ATF7IP2: variants seen among roughly 807,000 people sequenced by gnomAD.
The protein encoded by ATF7IP2 is activating transcription factor 7-interacting protein 2.
ATF7IP2 carries 42 observed loss-of-function variants against 64.2 expected under a neutral mutation model. The observed-to-expected ratio is 0.65, with a 90% CI of 0.51 to 0.85. ATF7IP2 has a LOEUF of 0.85. ATF7IP2 is among the 40% of genes least tolerant of loss of function. The pLI, the probability that ATF7IP2 is intolerant of heterozygous loss-of-function variation, is 0.00. For synonymous variants in ATF7IP2, 308 were observed against 272.8 expected (o/e 1.13, Z -1.27); for missense variants, 933 against 784.2 (o/e 1.19, Z -2.27).
intron 8 of ATF7IP2, among the ~76,000 whole-genome samples, chr16:10,457,073 G>C (rs182652387): frequency 6.6e-6 from 1 of 152,238 alleles, no homozygotes; most frequent in African/African-American, 2.4e-5. Flanking sequence ...GTGTTTATTA[G>C]TTCCTAAAAG....
chr16:10,482,043 C>G lies in ATF7IP2; in HGVS notation c.1843C>G (p.Leu615Val), dbSNP rs1430262938. The change falls in exon 14 of 14, where the codon CTG (leucine) becomes GTG (valine). Residue 615 changes from leucine to valine, a missense_variant. Physicochemically the swap from Leu to Val is conservative, Grantham distance 32 (BLOSUM62 1). Coordinates refer to ENST00000562102, the MANE Select transcript of ATF7IP2 (RefSeq NM_001393719.1). ...CAPVESYHLF[L>V]CHENSNNKLI... ...TCCTGTAGAAAGCTACCACCTCTTC[C>G]TGTGTCATGAGAACTCTAATAATAA... The G allele has an allele frequency of 1.2e-6, 2 of 1,613,784 alleles. No individual in the cohort carries two copies. The highest frequency in any genetic ancestry group is 1.7e-6 in the Non-Finnish European group (2 of 1,179,842).
chr16:10,386,241 G>T (rs1457601461), intron 1 of ATF7IP2, 119 bp downstream of exon 1: 1 of 152,248 alleles, frequency 6.6e-6, no homozygotes, highest in East Asian at 1.9e-4. Flanking sequence ...CGGGCCTACC[G>T]GACGTTTGCG....
intron 3 of ATF7IP2, 139 bp from the exon 4 acceptor site, chr16:10,428,729 A>G (rs184632072): frequency 3.9e-5 from 6 of 152,322 alleles, no homozygotes; most frequent in Admixed American, 3.3e-4. Flanking sequence ...AAAATTCCCA[A>G]TTATCTGATG....
chr16:10,433,134 T>C (rs570288272), intron 5 of ATF7IP2, among the ~76,000 whole-genome samples: 4 of 152,266 alleles, frequency 2.6e-5, no homozygotes, highest in South Asian at 4.1e-4. Context: ...ATTTTAGTTT[T>C]TCCATTTGCT....
chr16:10,438,038 GA>G (rs2048480336), intron 6 of ATF7IP2, 62 bp from the exon 7 acceptor site: 3 of 1,321,886 alleles, frequency 2.3e-6, no homozygotes, highest in Non-Finnish European at 3.0e-6. Flanking sequence ...TTTTTAAGTA[GA>G]AAGTAAAATT....
Position 10,480,935 on chromosome 16 carries a change from A to C in ATF7IP2, c.1606A>C (p.Thr536Pro). 1.2e-6 allele frequency: 2 copies of C among 1,612,748 alleles called. 1 individual carries two copies. The highest frequency in any genetic ancestry group is 2.2e-5 in the South Asian group (2 of 91,048). ...HSKAASNSKE[T>P]TPLAQNAVQV... The stretch of plus-strand genomic sequence containing the variant: ...GAAAGCTGCTTCAAACTCAAAGGAA[A>C]CAACCCCATTGGCACAAAATGCAGT... Residue 536 changes from threonine (T) to proline (P), a missense_variant, in exon 13 of 14, where the codon ACA becomes CCA. By Grantham distance (38) the Thr-to-Pro change is conservative. Coordinates refer to ENST00000562102, the MANE Select transcript of ATF7IP2 (RefSeq NM_001393719.1).
chr16:10,443,586 T>C (rs2048703061), intron 8 of ATF7IP2, among the ~76,000 whole-genome samples: 2 of 152,248 alleles, frequency 1.3e-5, no homozygotes, highest in South Asian at 4.1e-4. Flanking sequence ...TCTCAATTGC[T>C]AAAGTCTGTT....
chr16:10,461,204 G>A (rs1454251713), intron 9 of ATF7IP2, among the ~76,000 whole-genome samples: 4 of 152,108 alleles, frequency 2.6e-5, no homozygotes. Flanking sequence ...GGGTATTGGT[G>A]AAGTTTTGAA....
At chr16:10,455,914 C>G (rs1210757503) in intron 8 of ATF7IP2, among the ~76,000 whole-genome samples, 1 of 152,092 alleles carries the variant, frequency 6.6e-6, no homozygotes, top group Non-Finnish European at 1.5e-5. Context: ...GCATTGTATC[C>G]TACATTATAT....
In ATF7IP2 at chr16:10,482,238, A is replaced by C. The variant is rs774717807; in HGVS notation, c.2038A>C (p.Asn680His). The C allele has an allele frequency of 6.3e-7, 1 of 1,579,392 alleles. No homozygotes were observed. Among genetic ancestry groups the C allele is most frequent in the South Asian group, 1.2e-5 (1 of 85,392 alleles). The change falls in exon 14 of 14, where the codon AAT (asparagine) becomes CAT (histidine). Residue 680 changes from asparagine to histidine, a missense_variant. Coordinates refer to ENST00000562102, the MANE Select transcript of ATF7IP2 (RefSeq NM_001393719.1). ...AAAATCTATCCCTGGGTTTTCTGAA[A>C]ATCTTACGTAAAAGGTGTTTAATAA... ...DIKSIPGFSE[N>H]LT
chr16:10,419,867 A>G (rs1249984694), intron 3 of ATF7IP2, among the ~76,000 whole-genome samples: 1 of 152,106 alleles, frequency 6.6e-6, no homozygotes, highest in Non-Finnish European at 1.5e-5. Flanking sequence ...AATTTTTGTT[A>G]TTGCATCTCT....
chr16:10,413,346 T>G (rs575145876), intron 1 of ATF7IP2, among the ~76,000 whole-genome samples: 1 of 152,266 alleles, frequency 6.6e-6, no homozygotes, highest in Non-Finnish European at 1.5e-5. Context: ...TATCAGGGGT[T>G]TCCGCTTTTG....
chr16:10,463,951 C>T (rs759757052), intron 9 of ATF7IP2, among the ~76,000 whole-genome samples: 2 of 152,214 alleles, frequency 1.3e-5, no homozygotes, highest in Non-Finnish European at 2.9e-5. Flanking sequence ...GTTCTTGGCT[C>T]CTCAATACCA....
chr16:10,449,775 T>G (rs569329128), intron 8 of ATF7IP2: 3 of 152,282 alleles, frequency 2.0e-5, no homozygotes, highest in Non-Finnish European at 2.9e-5. Context: ...TCATTGATTT[T>G]TTTGTTTGTT....
At position 10,440,357 on chromosome 16, in the gene ATF7IP2, C is replaced by A; in HGVS notation, c.1096-7C>A. On this transcript the variant is annotated splice_region_variant and splice_polypyrimidine_tract_variant and intron_variant, in intron 7 of 13. Transcript: ENST00000562102. ...TTAGTATTTATTTTTTTCTCTTTTT[C>A]TTCTAGGCAAAAATAGCAAAACTTC... 1.4e-6 allele frequency: 2 copies of A among 1,444,916 alleles called. No homozygotes were observed. The highest frequency in any genetic ancestry group is 1.9e-6 in the Non-Finnish European group (2 of 1,062,900). 89.5% of individuals were successfully genotyped at this position (1,444,916 alleles called of 1,614,324 possible). A position where few individuals can be genotyped will look rare whatever the true frequency, so the allele number is the denominator to read the frequency against.
chr16:10,404,295 C>T (rs925239018), intron 1 of ATF7IP2, among the ~76,000 whole-genome samples: 5 of 152,158 alleles, frequency 3.3e-5, no homozygotes, highest in African/African-American at 1.2e-4. Flanking sequence ...CTCTGTCACC[C>T]AGGCTGGATT....
At chr16:10,419,719 C>T (rs2047954036) in intron 3 of ATF7IP2, 96 bp downstream of exon 3, 1 of 152,306 alleles carries the variant, frequency 6.6e-6, no homozygotes, top group African/African-American at 2.4e-5. Flanking sequence ...GTTTGGAATC[C>T]TCCCAAAACC....
Position 10,440,913 on chromosome 16 carries a change from C to T in ATF7IP2, c.1194+451C>T, listed in dbSNP as rs184325384. Among the ~76,000 whole-genome samples, 131 of 152,230 alleles carry T rather than the reference C, an allele frequency of 8.6e-4. 1 individual carries two copies. In the Middle Eastern group the frequency reaches 0.017, roughly 20 times the overall value. On this transcript the variant is annotated intron_variant, in intron 8 of 13. Transcript: ENST00000562102. ...TATCCCTCCCCTAGCCTCCCCACCC[C>T]CTGACAGGCCCTGGTGTGTGGTGTT...
At chr16:10,451,755 T>A (rs2048992312) in intron 8 of ATF7IP2, among the ~76,000 whole-genome samples, 2 of 152,036 alleles carry the variant, frequency 1.3e-5, no homozygotes, top group Admixed American at 1.3e-4. Flanking sequence ...TTCCTTGCAT[T>A]GAGTTAGAAG....
Sources: gnomAD v4.1 joint callset for allele counts (sites outside exome capture counted in the v4.1 genomes callset) on GRCh38, gnomAD v4.1.1 for gene constraint, MANE v1.5 for transcripts, NCBI Gene and HGNC (gene_info 2026-07-23, HGNC 2026-07-21) for gene names.